The following IL16 variants were observed in gnomAD, a reference collection of about 807,000 sequenced individuals.
The protein encoded by IL16 is interleukin 16.
IL16 carries 67 observed loss-of-function variants against 110.1 expected under a neutral mutation model. That is an observed-to-expected ratio of 0.61 (90% CI 0.50 to 0.75). IL16 has a LOEUF of 0.75. Ranked by LOEUF, IL16 falls within the 30% of genes least tolerant of loss-of-function variation. The pLI is 0.00. For synonymous variants in IL16, 689 were observed against 662.9 expected (o/e 1.04, Z -0.61); for missense variants, 1,545 against 1,655.0 (o/e 0.93, Z 1.15).
chr15:81,204,355 C>A (rs1373175794), intron 1 of IL16, among the ~76,000 whole-genome samples: 1 of 152,094 alleles, frequency 6.6e-6, no homozygotes, highest in Admixed American at 6.5e-5. Context: ...ACTTCCAACA[C>A]TATGTTGAAT....
intron 2 of IL16, among the ~76,000 whole-genome samples, chr15:81,254,521 C>T (rs753188435): frequency 6.6e-6 from 1 of 152,198 alleles, no homozygotes; most frequent in East Asian, 1.9e-4. Context: ...CCCCATTTCT[C>T]GCTCAGTTGC....
chr15:81,284,151 A>G (rs528564568), intron 9 of IL16, among the ~76,000 whole-genome samples: 3 of 152,306 alleles, frequency 2.0e-5, no homozygotes, highest in African/African-American at 7.2e-5. Context: ...TTCTTTCAAT[A>G]ACTGATCTGG....
intron 6 of IL16, among the ~76,000 whole-genome samples, chr15:81,276,471 G>C (rs1898915114): frequency 6.6e-6 from 1 of 152,222 alleles, no homozygotes; most frequent in South Asian, 2.1e-4. Context: ...AGGGGACAGA[G>C]CCTTGGGTCC....
intron 1 of IL16, among the ~76,000 whole-genome samples, chr15:81,222,234 C>A (rs1896639972): frequency 6.6e-6 from 1 of 151,834 alleles, no homozygotes; most frequent in South Asian, 2.1e-4. Flanking sequence ...AGAGTTGAGG[C>A]CTTGACTGGG....
At chr15:81,227,847 G>T (rs1896839143) in intron 2 of IL16, among the ~76,000 whole-genome samples, 1 of 152,114 alleles carries the variant, frequency 6.6e-6, no homozygotes, top group African/African-American at 2.4e-5. Context: ...GGGATTTGTT[G>T]ATGCAAGGAT....
At chr15:81,274,515 A>G (rs933501496) in intron 6 of IL16, among the ~76,000 whole-genome samples, 2 of 152,188 alleles carry the variant, frequency 1.3e-5, no homozygotes, top group Non-Finnish European at 2.9e-5. Flanking sequence ...AAACCAGAGA[A>G]AAAGGATGGA....
At chr15:81,254,411 T>G (rs979961701) in intron 2 of IL16, among the ~76,000 whole-genome samples, 1 of 152,170 alleles carries the variant, frequency 6.6e-6, no homozygotes, top group Non-Finnish European at 1.5e-5. Context: ...TTTGTTTTTG[T>G]TTTTTTCCCC....
At chr15:81,257,398 G>A (rs1311858780) in intron 2 of IL16, among the ~76,000 whole-genome samples, 1 of 152,138 alleles carries the variant, frequency 6.6e-6, no homozygotes, top group Non-Finnish European at 1.5e-5. Flanking sequence ...AATTCAAAAG[G>A]AATATACAAA....
In IL16 at chr15:81,306,118, G is replaced by A. The variant is rs1265949351; in HGVS notation, c.3631G>A (p.Asp1211Asn). The A allele has an allele frequency of 1.2e-6, 2 of 1,614,180 alleles. No homozygotes were observed. The highest frequency in any genetic ancestry group is 2.2e-5 in the East Asian group (1 of 44,888). ...EAMPDLNSST[D>N]SAASASAASD... ...CATGCCCGACCTCAACTCCTCCACTGACTCTGCAGCCTCAGCCTCTGCAGC... is the reference window on the plus strand; with the variant it reads ...CATGCCCGACCTCAACTCCTCCACTAACTCTGCAGCCTCAGCCTCTGCAGC... The change falls in exon 17 of 19, where the codon GAC (aspartate) becomes AAC (asparagine). Residue 1211 changes from aspartate (D) to asparagine (N), a missense_variant. By Grantham distance (23) the Asp-to-Asn change is conservative. Around this residue, in one of 3 missense-constraint regions of IL16, gnomAD observed 356 missense variants for 399.3 expected, o/e 0.89. Transcript: ENST00000683961.
chr15:81,243,164 T>TATATACATATATATATA (rs60077602), intron 2 of IL16, among the ~76,000 whole-genome samples: 5 of 15,760 alleles, frequency 3.2e-4, no homozygotes, highest in East Asian at 1.3e-3. Flanking sequence ...TATATATATA[T>TATATACATATATATATA]TTTTTTTTTT....
At chr15:81,191,250 G>C (rs1566987296) in intron 1 of IL16, among the ~76,000 whole-genome samples, 1 of 152,206 alleles carries the variant, frequency 6.6e-6, no homozygotes, top group Non-Finnish European at 1.5e-5. Flanking sequence ...TTCCCTTGGA[G>C]AGAACATTCT....
intron 1 of IL16, among the ~76,000 whole-genome samples, chr15:81,210,361 G>A (rs186315979): frequency 3.3e-4 from 50 of 152,162 alleles, no homozygotes; most frequent in African/African-American, 9.6e-4. Context: ...TTTTGATTCC[G>A]TATGAATTTT....
At chr15:81,267,505 CAGAG>C (rs543367429) in intron 4 of IL16, among the ~76,000 whole-genome samples, 22 of 136,248 alleles carry the variant, frequency 1.6e-4, no homozygotes, top group Non-Finnish European at 3.0e-4. Flanking sequence ...CACACACACA[CAGAG>C]AGAGCGAGAG....
chr15:81,267,261 G>T (rs1898422646), intron 4 of IL16, among the ~76,000 whole-genome samples: 1 of 152,196 alleles, frequency 6.6e-6, no homozygotes, highest in East Asian at 1.9e-4. Context: ...AGCTGCCTGG[G>T]AGGCTGTGCT....
intron 1 of IL16, among the ~76,000 whole-genome samples, chr15:81,197,574 C>A (rs1895643027): frequency 6.6e-6 from 1 of 152,082 alleles, no homozygotes; most frequent in East Asian, 1.9e-4. Flanking sequence ...GGCCAGACTC[C>A]TTTTCTCCAA....
At chr15:81,192,496 C>T (rs771611312), upstream of IL16, among the ~76,000 whole-genome samples, 16 of 152,076 alleles carry the variant, frequency 1.1e-4, no homozygotes, top group Non-Finnish European at 1.0e-4. Context: ...GTTGTCCTAG[C>T]TACTCGGGAG....
chr15:81,285,744 C>T lies in IL16; in HGVS notation c.1246C>T (p.Leu416=). The part of the protein sequence containing the change: ...VEISDSPVHC[L]TLNEVYTILS... ...AATCAGTGATTCCCCTGTGCACTGC[C>T]TGACGCTCAATGAAGTCTACACGAT... is the stretch of plus-strand genomic sequence containing the variant. The change falls in exon 10 of 19, where the codon CTG becomes TTG. Residue 416 remains leucine (L), a synonymous_variant. Coordinates refer to ENST00000683961, the MANE Select transcript of IL16 (RefSeq NM_172217.5). The T allele has an allele frequency of 6.2e-7, 1 of 1,614,126 alleles. No homozygotes were observed. The highest frequency in any genetic ancestry group is 8.5e-7 in the Non-Finnish European group (1 of 1,179,986).
Position 81,311,596 on chromosome 15 carries a change from G to T in IL16, c.*2798G>T, listed in dbSNP as rs2141662336. 1 of 152,336 alleles carries T rather than the reference G, an allele frequency of 6.6e-6. No individual in the cohort carries two copies. The highest frequency in any genetic ancestry group is 2.4e-5 in the African/African-American group (1 of 41,534). The allele number at this position is 152,336 out of a possible 1,614,324, so 9.4% of individuals were successfully genotyped here. Reference sequence around the variant, plus strand: ...CTGGCCTTCCACTTGGCTACACAGGGATGTACAAGGCGATCCCATCTTGAT... The same window carrying T: ...CTGGCCTTCCACTTGGCTACACAGGTATGTACAAGGCGATCCCATCTTGAT... On this transcript the variant is annotated 3_prime_UTR_variant, in exon 19 of 19. Coordinates refer to ENST00000683961, the MANE Select transcript of IL16 (RefSeq NM_172217.5).
intron 6 of IL16, among the ~76,000 whole-genome samples, chr15:81,277,290 G>A (rs1898955180): frequency 6.6e-6 from 1 of 152,106 alleles, no homozygotes; most frequent in Admixed American, 6.5e-5. Context: ...TGAAAAGGGA[G>A]AGATAGTATG....
Sources: gnomAD v4.1 joint callset for allele counts (sites outside exome capture counted in the v4.1 genomes callset) on GRCh38, gnomAD v4.1.1 for gene constraint, gnomAD v4.1.1 regional missense constraint, MANE v1.5 for transcripts, NCBI Gene and HGNC (gene_info 2026-07-23, HGNC 2026-07-21) for gene names.